Variants in ROBO1 observed in about 807,000 individuals in gnomAD.
ROBO1 encodes the protein roundabout homolog 1.
ROBO1 carries 149 observed loss-of-function variants against 195.9 expected under a neutral mutation model. The observed-to-expected ratio is 0.76, with a 90% CI of 0.67 to 0.87. The LOEUF (loss-of-function observed/expected upper bound fraction) is 0.87, where lower values mean the gene tolerates loss of function less well. ROBO1 is among the 40% of genes least tolerant of loss of function. The pLI is 0.00. For missense variants in ROBO1, 1,933 were observed against 2,068.3 expected (o/e 0.93, Z 1.27); for synonymous variants, 816 against 733.2 (o/e 1.11, Z -1.82).
chr3:79,576,876 T>C (rs1437357944), intron 2 of ROBO1, among the ~76,000 whole-genome samples: 2 of 152,212 alleles, frequency 1.3e-5, no homozygotes, highest in Non-Finnish European at 2.9e-5. Flanking sequence ...CTATAGTTTG[T>C]AGAGCTGCTT....
chr3:79,023,931 C>T (rs368785373), intron 3 of ROBO1, among the ~76,000 whole-genome samples: 2 of 150,306 alleles, frequency 1.3e-5, no homozygotes. Flanking sequence ...AGGCTGGTCT[C>T]GAACTCCTGA....
intron 3 of ROBO1, among the ~76,000 whole-genome samples, chr3:78,946,320 T>A (rs2040441872): frequency 6.6e-6 from 1 of 152,178 alleles, no homozygotes; most frequent in African/African-American, 2.4e-5. Context: ...TAACAGCTAA[T>A]CTCTTGGCAG....
At chr3:79,611,656 G>A (rs780141073) in intron 1 of ROBO1, among the ~76,000 whole-genome samples, 10 of 152,036 alleles carry the variant, frequency 6.6e-5, no homozygotes, top group African/African-American at 9.7e-5. Context: ...CAAACACTGC[G>A]TGTTCTCACT....
intron 3 of ROBO1, among the ~76,000 whole-genome samples, chr3:79,016,776 C>T (rs1290717629): frequency 6.6e-6 from 1 of 152,202 alleles, no homozygotes; most frequent in Non-Finnish European, 1.5e-5. Flanking sequence ...AATGACACTT[C>T]ACTTTACACA....
chr3:79,717,954 T>TA (rs1196731393), intron 1 of ROBO1, among the ~76,000 whole-genome samples: 1 of 151,960 alleles, frequency 6.6e-6, no homozygotes, highest in Non-Finnish European at 1.5e-5. Flanking sequence ...CACCAATTCT[T>TA]ACAGGAGCAT....
At chr3:79,390,543 G>A (rs537811050) in intron 2 of ROBO1, among the ~76,000 whole-genome samples, 5 of 152,128 alleles carry the variant, frequency 3.3e-5, no homozygotes, top group African/African-American at 4.8e-5. Context: ...GTGGTGTGAC[G>A]TCATGGAAGC....
chr3:78,749,993 G>T (rs1400459583), intron 4 of ROBO1, among the ~76,000 whole-genome samples: 4 of 152,148 alleles, frequency 2.6e-5, no homozygotes, highest in African/African-American at 7.2e-5. Context: ...TTCCCACTAA[G>T]ATTGTAACAA....
intron 3 of ROBO1, among the ~76,000 whole-genome samples, chr3:79,068,478 T>C (rs1405026976): frequency 6.6e-6 from 1 of 151,934 alleles, no homozygotes; most frequent in Non-Finnish European, 1.5e-5. Context: ...TTGTTTCTTA[T>C]ATACTTTATT....
At chr3:78,664,997 C>T (rs577937351) in intron 14 of ROBO1, among the ~76,000 whole-genome samples, 27 of 152,214 alleles carry the variant, frequency 1.8e-4, no homozygotes, top group Middle Eastern at 6.8e-3. Context: ...CTCTTCCATA[C>T]GGCAGTCTCT....
At chr3:79,233,012 AT>A (rs2082347350) in intron 2 of ROBO1, among the ~76,000 whole-genome samples, 1 of 152,132 alleles carries the variant, frequency 6.6e-6, no homozygotes, top group African/African-American at 2.4e-5. Context: ...AAGGCCACTG[AT>A]AGAAACTTTC....
intron 2 of ROBO1, among the ~76,000 whole-genome samples, chr3:79,279,597 A>T (rs548079469): frequency 6.6e-6 from 1 of 152,172 alleles, no homozygotes; most frequent in Non-Finnish European, 1.5e-5. Flanking sequence ...CAGCAATCAC[A>T]TTACTGGGAA....
rs554610583 is a variant in ROBO1 at position 78,774,244 on chromosome 3, A to G, written c.500-27344T>C. On this transcript the variant is annotated intron_variant, in intron 4 of 30. Coordinates refer to ENST00000464233, the MANE Select transcript of ROBO1 (RefSeq NM_002941.4). ...ACCATCTTTAATGTTTTCAAGAGTC[A>G]TGATCCTTTAAGCTAGGCTTACATT... Among the ~76,000 whole-genome samples, 6 of 152,342 alleles carry G rather than the reference A, an allele frequency of 3.9e-5. 1 individual carries two copies. In the South Asian group the frequency reaches 1.2e-3, roughly 32 times the overall value.
intron 4 of ROBO1, among the ~76,000 whole-genome samples, chr3:78,815,594 T>G (rs1230096321): frequency 7.1e-6 from 1 of 140,726 alleles, no homozygotes; most frequent in Non-Finnish European, 1.5e-5. Context: ...TTCATGGCAT[T>G]TAAGAAAATA....
intron 3 of ROBO1, among the ~76,000 whole-genome samples, chr3:78,950,500 G>A (rs559461688): frequency 8.9e-6 from 1 of 112,112 alleles, no homozygotes; most frequent in East Asian, 2.9e-4. Flanking sequence ...ATCACACATC[G>A]AGGCCTGTTG....
chr3:79,565,007 T>A (rs9822102), intron 2 of ROBO1, among the ~76,000 whole-genome samples: 36,919 of 151,986 alleles, frequency 0.24, 5,129 homozygotes, highest in African/African-American at 0.37. Flanking sequence ...CAGATTTCAA[T>A]TCAAATTGCT....
At chr3:78,646,075 G>A in intron 21 of ROBO1, 73 bp downstream of exon 21, 1 of 1,267,788 alleles carries the variant, frequency 7.9e-7, no homozygotes, top group Non-Finnish European at 1.1e-6. Context: ...AGCAGAGAAA[G>A]TGGTGTCATT....
chr3:79,260,781 A>G (rs1576890119), intron 2 of ROBO1, among the ~76,000 whole-genome samples: 1 of 152,116 alleles, frequency 6.6e-6, no homozygotes, highest in African/African-American at 2.4e-5. Context: ...GATGGGAGCA[A>G]TCACAATTTT....
intron 3 of ROBO1, among the ~76,000 whole-genome samples, chr3:79,072,360 T>G (rs1227900360): frequency 6.6e-6 from 1 of 151,974 alleles, no homozygotes; most frequent in African/African-American, 2.4e-5. Flanking sequence ...TTTCAAATAT[T>G]TAAATATTCA....
At chr3:79,756,155 T>C (rs1704380952) in intron 1 of ROBO1, among the ~76,000 whole-genome samples, 2 of 152,208 alleles carry the variant, frequency 1.3e-5, no homozygotes, top group African/African-American at 4.8e-5. Context: ...AATCTCTTGA[T>C]TTATTGCCTT....
Sources: allele counts gnomAD v4.1 joint callset (sites outside exome capture counted in the v4.1 genomes callset), GRCh38; gene constraint gnomAD v4.1.1; transcripts MANE v1.5; gene names NCBI Gene and HGNC (gene_info 2026-07-23, HGNC 2026-07-21).